The following S100PBP variants were observed in gnomAD, a reference collection of about 807,000 sequenced individuals.
The protein encoded by S100PBP is S100P-binding protein.
In S100PBP, 15 loss-of-function variants were observed where a neutral mutation model predicts 39.9. The observed-to-expected ratio is 0.38, with a 90% CI of 0.25 to 0.58. The LOEUF (loss-of-function observed/expected upper bound fraction) is 0.58, where lower values mean the gene tolerates loss of function less well. Among genes scored for constraint, S100PBP ranks in the 20% least tolerant of loss-of-function variants. S100PBP has a pLI of 0.70. For synonymous variants in S100PBP, 178 were observed against 180.3 expected, an observed-to-expected ratio of 0.99 and a Z score of 0.10; for missense variants, 504 against 487.3, an observed-to-expected ratio of 1.03 and a Z score of -0.32.
intron 5 of S100PBP, among the ~76,000 whole-genome samples, chr1:32,849,525 G>A (rs899910889): frequency 6.6e-6 from 1 of 152,216 alleles, no homozygotes; most frequent in African/African-American, 2.4e-5. Context: ...AGCAAAGTAC[G>A]TAGCACGTAA....
At chr1:32,852,451 A>G (rs1303087960) in intron 5 of S100PBP, among the ~76,000 whole-genome samples, 1 of 152,154 alleles carries the variant, frequency 6.6e-6, no homozygotes, top group Non-Finnish European at 1.5e-5. Flanking sequence ...GTACATTGCT[A>G]GGATCCCAGG....
chr1:32,828,182 A>G, intron 4 of S100PBP, 101 bp downstream of exon 4: 1 of 691,122 alleles, frequency 1.4e-6, no homozygotes, highest in East Asian at 2.9e-5. Context: ...AAAAATCCCT[A>G]CTCCAGGAGT....
upstream of S100PBP, chr1:32,817,559 C>T (rs1249337932): frequency 5.6e-6 from 3 of 536,332 alleles, no homozygotes; most frequent in African/African-American, 5.7e-5. Flanking sequence ...CCAATCACTG[C>T]TGGTTTGCCC....
intron 5 of S100PBP, among the ~76,000 whole-genome samples, chr1:32,848,651 A>G (rs1348088883): frequency 6.6e-6 from 1 of 152,192 alleles, no homozygotes. Context: ...ATTATGTCCT[A>G]TAAAACCTGT....
chr1:32,855,848 G>T, intron 6 of S100PBP, 76 bp from the exon 7 acceptor site: 1 of 775,608 alleles, frequency 1.3e-6, no homozygotes. Flanking sequence ...AAATTGTTGT[G>T]CTGGCCTTTT....
chr1:32,853,131 C>T lies in S100PBP; in HGVS notation c.1077C>T (p.His359=). ...ALMDQVHHMQ[H]SKWQHPSDLT... ...TGGATCAAGTTCATCATATGCAGCA[C>T]TCAAAATGGCAGCATCCTTCGGACC... is the stretch of plus-strand genomic sequence containing the variant. The change falls in exon 6 of 7, where the codon CAC becomes CAT. Residue 359 remains histidine (H), a synonymous_variant. Coordinates refer to ENST00000373475, the MANE Select transcript of S100PBP (RefSeq NM_022753.4). 1 of 1,613,078 alleles carries T rather than the reference C, an allele frequency of 6.2e-7. No homozygotes were observed. The highest frequency in any genetic ancestry group is 2.2e-5 in the East Asian group (1 of 44,860).
In S100PBP at chr1:32,835,924, G is replaced by A. The variant is rs1392662898; in HGVS notation, c.1024+5857G>A. 3 of 151,842 alleles carry A rather than the reference G, an allele frequency of 2.0e-5. No homozygotes were observed. The East Asian group carries it at 5.8e-4, about 29-fold the overall frequency. The allele number at this position is 151,842 out of a possible 1,614,324, so 9.4% of individuals were successfully genotyped here. A position where few individuals can be genotyped will look rare whatever the true frequency, so the allele number is the denominator to read the frequency against. ...TGTGAATTGTGCCACTATGAACATGGGTCTACAGATATCTCTTTAAGACCC... is the reference window on the plus strand; with the variant it reads ...TGTGAATTGTGCCACTATGAACATGAGTCTACAGATATCTCTTTAAGACCC... On this transcript the variant is annotated intron_variant, in intron 5 of 6. Transcript: ENST00000373475.
rs370414845 is a variant in S100PBP at position 32,826,354 on chromosome 1, A to G, written c.255A>G (p.Glu85=). Residue 85 remains glutamate, a synonymous_variant, in exon 3 of 7, where the codon GAA becomes GAG. Coordinates refer to ENST00000373475, the MANE Select transcript of S100PBP (RefSeq NM_022753.4). ...ATGGTGGGCATGTTGAGAAGGGAGA[A>G]AGAGGGAGTCAAATTCTACTTGATA... The part of the protein sequence containing the change: ...EDDGGHVEKG[E]RGSQILLDTP... 6.2e-6 allele frequency: 10 copies of G among 1,614,024 alleles called. No homozygotes were observed. Among genetic ancestry groups the G allele is most frequent in the Non-Finnish European group, 1.7e-6 (2 of 1,180,014 alleles).
chr1:32,850,402 G>C (rs1248951665), intron 5 of S100PBP, among the ~76,000 whole-genome samples: 1 of 152,156 alleles, frequency 6.6e-6, no homozygotes, highest in Non-Finnish European at 1.5e-5. Context: ...AGGTGAAAGT[G>C]GGGTATTGGA....
Position 32,846,334 on chromosome 1 carries a change from A to G in S100PBP, c.1025-6745A>G, listed in dbSNP as rs190516967. On this transcript the variant is annotated intron_variant, in intron 5 of 6. Coordinates refer to ENST00000373475, the MANE Select transcript of S100PBP (RefSeq NM_022753.4). ...TTAAAGTAAATGTCTTATAGAGAGC[A>G]TATAATTGGTAGCTGGGTCTTGCTT... 1.4e-3 allele frequency among the ~76,000 whole-genome samples: 211 copies of G among 148,696 alleles called. 1 individual carries two copies. The highest frequency in any genetic ancestry group is 4.0e-3 in the African/African-American group (162 of 40,778).
intron 5 of S100PBP, among the ~76,000 whole-genome samples, chr1:32,833,117 C>T (rs1163367120): frequency 6.6e-6 from 1 of 152,116 alleles, no homozygotes; most frequent in Non-Finnish European, 1.5e-5. Flanking sequence ...TCTCTTTAAT[C>T]TCCTAACACA....
chr1:32,843,542 C>T lies in S100PBP; in HGVS notation c.1025-9537C>T, dbSNP rs147973058. On this transcript the variant is annotated intron_variant, in intron 5 of 6. Coordinates refer to ENST00000373475, the MANE Select transcript of S100PBP (RefSeq NM_022753.4). The stretch of plus-strand genomic sequence containing the variant: ...CACAATCTCGGCTCACGAAAACCTC[C>T]GCCTTCCATGTTCAAGCGATTCTCC... Among the ~76,000 whole-genome samples the T allele has an allele frequency of 2.2e-3, 342 of 152,144 alleles. 3 individuals carry two copies. Among genetic ancestry groups the T allele is most frequent in the African/African-American group, 7.2e-3 (298 of 41,498 alleles).
At chr1:32,839,570 C>T (rs1639994522) in intron 5 of S100PBP, among the ~76,000 whole-genome samples, 1 of 152,186 alleles carries the variant, frequency 6.6e-6, no homozygotes, top group African/African-American at 2.4e-5. Context: ...CTCTGTCACC[C>T]AGGCTGGAGT....
At chr1:32,848,200 G>A (rs748096340) in intron 5 of S100PBP, among the ~76,000 whole-genome samples, 49 of 152,038 alleles carry the variant, frequency 3.2e-4, no homozygotes, top group Non-Finnish European at 6.2e-4. Context: ...CCAGCTACTC[G>A]GGAGGCTGAG....
chr1:32,821,166 G>A (rs867295755), intron 1 of S100PBP, among the ~76,000 whole-genome samples: 1 of 151,646 alleles, frequency 6.6e-6, no homozygotes. Flanking sequence ...TTGGCCGGGC[G>A]CGGTGGTTCA....
At position 32,826,702 on chromosome 1, in the gene S100PBP, C is replaced by T. The variant is rs761144397; in HGVS notation, c.603C>T (p.Ser201=). The T allele has an allele frequency of 6.8e-5, 109 of 1,613,976 alleles. No homozygotes were observed. Among genetic ancestry groups the T allele is most frequent in the Middle Eastern group, 1.6e-4 (1 of 6,084 alleles). The change falls in exon 3 of 7, where the codon AGC becomes AGT. Residue 201 remains serine (S), a synonymous_variant. Transcript: ENST00000373475. ...TTTGTACTGAATCTGAAGGGATCAG[C>T]CCCAATAACTCTGCCTGGAATGGGC... ...SKLCTESEGI[S]PNNSAWNGPQ...
intron 5 of S100PBP, among the ~76,000 whole-genome samples, chr1:32,848,097 AG>A (rs1640457674): frequency 6.6e-6 from 1 of 152,166 alleles, no homozygotes; most frequent in South Asian, 2.1e-4. Flanking sequence ...TCATGAAGTC[AG>A]GAGTTCGAGA....
rs1557485856 is a variant in S100PBP at position 32,826,562 on chromosome 1, G to C, written c.463G>C (p.Val155Leu). 6.2e-7 allele frequency: 1 copy of C among 1,613,886 alleles called. No homozygotes were observed. The highest frequency in any genetic ancestry group is 1.7e-5 in the Admixed American group (1 of 60,020). The change falls in exon 3 of 7, where the codon GTT becomes CTT. Residue 155 changes from valine (V) to leucine (L), a missense_variant. Physicochemically the swap from Val to Leu is conservative, Grantham distance 32. Coordinates refer to ENST00000373475, the MANE Select transcript of S100PBP (RefSeq NM_022753.4). ...AACTGTTGCACCATTTAATCCAACA[G>C]TTTGTGATGCTCTGCTTGATAAGGA... Reference protein sequence around the residue: ...KVTVAPFNPTVCDALLDKDET... With the variant: ...KVTVAPFNPTLCDALLDKDET...
At position 32,858,172 on chromosome 1, in the gene S100PBP, G is replaced by A. The variant is rs974568110; in HGVS notation, c.*2134G>A. 2 of 152,644 alleles carry A rather than the reference G, an allele frequency of 1.3e-5. No homozygotes were observed. The allele number at this position is 152,644 out of a possible 1,614,324, so 9.5% of individuals were successfully genotyped here. On this transcript the variant is annotated 3_prime_UTR_variant, in exon 7 of 7. Coordinates refer to ENST00000373475, the MANE Select transcript of S100PBP (RefSeq NM_022753.4). ...GTTCCCTACAGAAAACCCAAGGAGTGAAGGGACAGGATTTTGCCTAGGCAA... is the reference window on the plus strand; with the variant it reads ...GTTCCCTACAGAAAACCCAAGGAGTAAAGGGACAGGATTTTGCCTAGGCAA...
Sources: gnomAD v4.1 joint callset for allele counts (sites outside exome capture counted in the v4.1 genomes callset) on GRCh38, gnomAD v4.1.1 for gene constraint, MANE v1.5 for transcripts, NCBI Gene and HGNC (gene_info 2026-07-23, HGNC 2026-07-21) for gene names.